Variants in RAB11FIP2 observed in about 807,000 individuals in gnomAD.
RAB11FIP2 encodes RAB11 family interacting protein 2.
Under a neutral mutation model 40.9 loss-of-function variants are expected in RAB11FIP2, and 16 were observed. That is an observed-to-expected ratio of 0.39 (90% CI 0.26 to 0.59). The LOEUF (loss-of-function observed/expected upper bound fraction) is 0.59. Among genes scored for constraint, RAB11FIP2 ranks in the 20% least tolerant of loss-of-function variants. RAB11FIP2 has a pLI of 0.53. For synonymous variants in RAB11FIP2, 228 were observed against 213.7 expected (o/e 1.07, Z -0.58); for missense variants, 532 against 606.2 (o/e 0.88, Z 1.28).
intron 3 of RAB11FIP2, among the ~76,000 whole-genome samples, chr10:118,029,927 G>A (rs892548149): frequency 2.0e-5 from 3 of 152,124 alleles, no homozygotes; most frequent in African/African-American, 4.8e-5. Flanking sequence ...GGGCATGACT[G>A]GAGGAACCTG....
chr10:118,021,924 C>T (rs932440205), intron 3 of RAB11FIP2, among the ~76,000 whole-genome samples: 1 of 152,176 alleles, frequency 6.6e-6, no homozygotes, highest in Non-Finnish European at 1.5e-5. Flanking sequence ...AACTACCATC[C>T]CTATATGGAT....
rs1846539581 is a variant in RAB11FIP2 at position 118,040,335 on chromosome 10, T to C, written c.584A>G (p.Asp195Gly). Residue 195 changes from aspartate (D) to glycine (G), a missense_variant, in exon 2 of 5, where the codon GAT becomes GGT. Transcript: ENST00000355624. ...SAIIPSTHMPDANSEFSSGEI... is the reference protein window; with the variant it reads ...SAIIPSTHMPGANSEFSSGEI... The stretch of plus-strand genomic sequence containing the variant: ...ACCACTTGAAAATTCACTATTGGCA[T>C]CGGGCATGTGAGTACTTGGAATGAT... 6.2e-7 allele frequency: 1 copy of C among 1,613,766 alleles called. No homozygotes were observed. Among genetic ancestry groups the C allele is most frequent in the South Asian group, 1.1e-5 (1 of 91,088 alleles).
rs1484186810 is a variant in RAB11FIP2, at chr10:118,046,370, G to A, written c.-207C>T. The A allele has an allele frequency of 1.7e-6, 1 of 575,968 alleles. No homozygotes were observed. The highest frequency in any genetic ancestry group is 3.1e-6 in the Non-Finnish European group (1 of 325,108). 35.7% of individuals were successfully genotyped at this position (575,968 alleles called of 1,614,324 possible). A position where few individuals can be genotyped will look rare whatever the true frequency, so the allele number is the denominator to read the frequency against. ...CGCTCCGGGGGTCCCCTTTCGTCTG[G>A]AGAAACACAGAGGCCCACCATCACC... On this transcript the variant is annotated 5_prime_UTR_variant, in exon 1 of 5. Coordinates refer to ENST00000355624, the MANE Select transcript of RAB11FIP2 (RefSeq NM_014904.3).
At chr10:118,018,138 C>T (rs532631353) in intron 3 of RAB11FIP2, 2 of 152,308 alleles carry the variant, frequency 1.3e-5, no homozygotes, top group African/African-American at 4.8e-5. Context: ...AGGCAGAACC[C>T]CTCCCTTGTG....
chr10:118,020,119 GCA>G (rs1386694539), intron 3 of RAB11FIP2, among the ~76,000 whole-genome samples: 2 of 152,078 alleles, frequency 1.3e-5, no homozygotes, highest in Non-Finnish European at 2.9e-5. Context: ...GAGGAAATGG[GCA>G]CAGAGATGGT....
At chr10:118,033,553 A>C (rs1377560658) in intron 3 of RAB11FIP2, among the ~76,000 whole-genome samples, 2 of 152,128 alleles carry the variant, frequency 1.3e-5, no homozygotes, top group African/African-American at 4.8e-5. Context: ...TTGAGAGTGC[A>C]CCCCACAATT....
chr10:118,046,528 A>C lies in RAB11FIP2; in HGVS notation c.-365T>G. ...GGGGGTGAAGGGAGCCCCCGCCCCAATTCTGCACCCCTGGCCTCCCGCCTG... is the reference window on the plus strand; with the variant it reads ...GGGGGTGAAGGGAGCCCCCGCCCCACTTCTGCACCCCTGGCCTCCCGCCTG... On this transcript the variant is annotated 5_prime_UTR_variant, in exon 1 of 5. Transcript: ENST00000355624. The C allele has an allele frequency of 5.4e-6, 1 of 183,542 alleles. No homozygotes were observed. Among genetic ancestry groups the C allele is most frequent in the Non-Finnish European group, 1.1e-5 (1 of 89,136 alleles). The allele number at this position is 183,542 out of a possible 1,614,324, so 11.4% of individuals were successfully genotyped here.
Position 118,046,415 on chromosome 10 carries a change from T to C in RAB11FIP2, c.-252A>G. The C allele has an allele frequency of 4.2e-6, 2 of 477,356 alleles. No individual in the cohort carries two copies. Among genetic ancestry groups the C allele is most frequent in the Non-Finnish European group, 7.5e-6 (2 of 267,536 alleles). 29.6% of individuals were successfully genotyped at this position (477,356 alleles called of 1,614,324 possible). On this transcript the variant is annotated 5_prime_UTR_variant, in exon 1 of 5. Coordinates refer to ENST00000355624, the MANE Select transcript of RAB11FIP2 (RefSeq NM_014904.3). ...ATCACCTGGCCGCGCCGTGCAGGCC[T>C]CTGCGCGGACCCCCGCCCCTGTCTC...
rs761660361 is a variant in RAB11FIP2, at chr10:118,039,390, T to C, written c.847A>G (p.Met283Val). 1 of 1,613,452 alleles carries C rather than the reference T, an allele frequency of 6.2e-7. No individual in the cohort carries two copies. The highest frequency in any genetic ancestry group is 1.1e-5 in the South Asian group (1 of 91,050). ...RRTLSFDTSK[M>V]NQPDSIVDEG... ...TCCACAATGCTGTCAGGTTGGTTCA[T>C]TTTAGAAGTATCAAAGCTTAATGTT... Residue 283 changes from methionine (M) to valine (V), a missense_variant, in exon 3 of 5, where the codon ATG (methionine) becomes GTG (valine). Met to Val is a conservative substitution (Grantham distance 21). Transcript: ENST00000355624.
At chr10:118,033,841 G>A (rs1488404211) in intron 3 of RAB11FIP2, 2 of 621,680 alleles carry the variant, frequency 3.2e-6, no homozygotes, top group Non-Finnish European at 5.8e-6. Flanking sequence ...GATAAATAAT[G>A]CTAAGTGCTC....
Position 118,008,905 on chromosome 10 carries a change from A to C in RAB11FIP2, c.*93T>G. On this transcript the variant is annotated 3_prime_UTR_variant, in exon 5 of 5. Coordinates refer to ENST00000355624, the MANE Select transcript of RAB11FIP2 (RefSeq NM_014904.3). ...AAAGGAGAATATGTAATGAAACCTG[A>C]TAGTGTAGTCTCTTTCAGTAACAAG... 1.0e-6 allele frequency: 1 copy of C among 992,064 alleles called. No individual in the cohort carries two copies. The highest frequency in any genetic ancestry group is 2.2e-5 in the Admixed American group (1 of 45,492). The allele number at this position is 992,064 out of a possible 1,614,324, so 61.5% of individuals were successfully genotyped here. A position where few individuals can be genotyped will look rare whatever the true frequency, so the allele number is the denominator to read the frequency against.
chr10:118,033,903 T>A lies in RAB11FIP2; in HGVS notation c.1265+5069A>T. The stretch of plus-strand genomic sequence containing the variant: ...AACTTATATCCTGTGAATTTATCAT[T>A]TGGACAAGGGCCACTTGGCTATTCC... On this transcript the variant is annotated intron_variant, in intron 3 of 4. Coordinates refer to ENST00000355624, the MANE Select transcript of RAB11FIP2 (RefSeq NM_014904.3). The A allele has an allele frequency of 1.0e-5, 7 of 697,982 alleles. No individual in the cohort carries two copies. In the South Asian group the frequency reaches 1.0e-4, roughly 10 times the overall value. 43.2% of individuals were successfully genotyped at this position (697,982 alleles called of 1,614,324 possible).
intron 3 of RAB11FIP2, among the ~76,000 whole-genome samples, chr10:118,021,939 GA>G (rs1037779186): frequency 2.0e-5 from 3 of 152,172 alleles, no homozygotes; most frequent in Admixed American, 6.5e-5. Flanking sequence ...ATGGATGGAG[GA>G]GTAGTAAATC....
chr10:118,029,632 A>T (rs557963074), intron 3 of RAB11FIP2, among the ~76,000 whole-genome samples: 1 of 152,286 alleles, frequency 6.6e-6, no homozygotes, highest in South Asian at 2.1e-4. Context: ...TGAAAATATC[A>T]TTTGATTTTC....
In RAB11FIP2 at chr10:118,007,178, A is replaced by C. The variant is rs550510177; in HGVS notation, c.*1820T>G. On this transcript the variant is annotated 3_prime_UTR_variant, in exon 5 of 5. Coordinates refer to ENST00000355624, the MANE Select transcript of RAB11FIP2 (RefSeq NM_014904.3). ...GTGGCACCATGTTTAAAAAAAAAAA[A>C]AAAACTACCAAGACCTCAAACGGGA... 9.2e-4 allele frequency: 140 copies of C among 152,144 alleles called. 1 individual carries two copies. The highest frequency in any genetic ancestry group is 3.2e-3 in the African/African-American group (131 of 41,504). The allele number at this position is 152,144 out of a possible 1,614,324, so 9.4% of individuals were successfully genotyped here. A position where few individuals can be genotyped will look rare whatever the true frequency, so the allele number is the denominator to read the frequency against.
chr10:118,016,344 C>T (rs190624559), intron 3 of RAB11FIP2, among the ~76,000 whole-genome samples: 1 of 152,306 alleles, frequency 6.6e-6, no homozygotes, highest in African/African-American at 2.4e-5. Context: ...GCCTGTGTGG[C>T]TGGCACATTT....
chr10:118,019,003 T>C (rs1244080637), intron 3 of RAB11FIP2, among the ~76,000 whole-genome samples: 1 of 151,518 alleles, frequency 6.6e-6, no homozygotes, highest in Non-Finnish European at 1.5e-5. Flanking sequence ...GTAAAAAGTG[T>C]ACAGTGCTTG....
chr10:118,037,030 C>T (rs2928116), intron 3 of RAB11FIP2, among the ~76,000 whole-genome samples: 147,907 of 152,176 alleles, frequency 0.97, 72,022 homozygotes, highest in East Asian at 1. Flanking sequence ...TGCTTTTCTT[C>T]TGACTCTAAA....
In RAB11FIP2 at chr10:118,008,876, C is replaced by T. The variant is rs534182745; in HGVS notation, c.*122G>A. The T allele has an allele frequency of 1.6e-5, 13 of 790,038 alleles. No individual in the cohort carries two copies. Among genetic ancestry groups the T allele is most frequent in the Admixed American group, 2.7e-5 (1 of 36,846 alleles). 48.9% of individuals were successfully genotyped at this position (790,038 alleles called of 1,614,324 possible). ...TATTTACAGGTAAAACTACTCTTCA[C>T]AATAAAGGAGAATATGTAATGAAAC... is the stretch of plus-strand genomic sequence containing the variant. On this transcript the variant is annotated 3_prime_UTR_variant, in exon 5 of 5. Coordinates refer to ENST00000355624, the MANE Select transcript of RAB11FIP2 (RefSeq NM_014904.3).
Sources: allele counts gnomAD v4.1 joint callset (sites outside exome capture counted in the v4.1 genomes callset), GRCh38; gene constraint gnomAD v4.1.1; transcripts MANE v1.5; gene names NCBI Gene and HGNC (gene_info 2026-07-23, HGNC 2026-07-21).